UBAP2: variants seen among roughly 807,000 people sequenced by gnomAD.
The protein encoded by UBAP2 is ubiquitin associated protein 2.
In UBAP2, 75 loss-of-function variants were observed where a neutral mutation model predicts 139.6. The ratio of observed to expected loss-of-function variants is 0.54; its 90% CI spans 0.45 to 0.65. UBAP2 has a LOEUF of 0.65. UBAP2 is among the 30% of genes least tolerant of loss of function. The pLI, the probability that UBAP2 is intolerant of heterozygous loss-of-function variation, is 0.00. For synonymous variants in UBAP2, 526 were observed against 526.2 expected, an observed-to-expected ratio of 1.00 and a Z score of 0.01; for missense variants, 1,368 against 1,369.6, an observed-to-expected ratio of 1.00 and a Z score of 0.02.
intron 6 of UBAP2, among the ~76,000 whole-genome samples, chr9:33,984,174 G>A (rs1241018230): frequency 6.6e-6 from 1 of 151,076 alleles, no homozygotes; most frequent in African/African-American, 2.4e-5. Context: ...AAAGTGCTGG[G>A]ATTACAGGTA....
chr9:33,974,013 C>A (rs999672314), intron 6 of UBAP2, among the ~76,000 whole-genome samples: 5 of 152,098 alleles, frequency 3.3e-5, no homozygotes, highest in Admixed American at 3.3e-4. Context: ...CAAGACCAGC[C>A]TGGGCAACAT....
chr9:33,955,429 G>C (rs1324202648), intron 11 of UBAP2, among the ~76,000 whole-genome samples: 1 of 139,864 alleles, frequency 7.1e-6, no homozygotes, highest in South Asian at 2.4e-4. Flanking sequence ...TGAGGCAGAA[G>C]AATCACTTGA....
upstream of UBAP2, chr9:34,048,891 TCTTACA>T (rs1827874235): frequency 6.6e-6 from 1 of 151,888 alleles, no homozygotes; most frequent in South Asian, 2.1e-4. Flanking sequence ...CCAATGTGCC[TCTTACA>T]AAGCGGCGGC....
chr9:33,937,755 C>CAA (rs34776998), intron 16 of UBAP2, among the ~76,000 whole-genome samples: 1,743 of 103,568 alleles, frequency 0.017, 34 homozygotes, highest in African/African-American at 0.047. Flanking sequence ...TTAAAAAATA[C>CAA]AAAAAAAAAA....
At chr9:33,975,403 G>A (rs1417850649) in intron 6 of UBAP2, among the ~76,000 whole-genome samples, 8 of 150,496 alleles carry the variant, frequency 5.3e-5, no homozygotes, top group Admixed American at 1.3e-4. Flanking sequence ...CTGCACTCCA[G>A]CCTGGGTGAC....
intron 2 of UBAP2, chr9:34,011,751 G>C (rs1823764842): frequency 1.6e-6 from 1 of 612,406 alleles, no homozygotes; most frequent in African/African-American, 2.0e-5. Context: ...ATAAACATTA[G>C]TGACATACAC....
Position 33,923,980 on chromosome 9 carries a change from G to A in UBAP2, c.2611C>T (p.Arg871Cys), listed in dbSNP as rs775594520. 177 of 1,613,746 alleles carry A rather than the reference G, an allele frequency of 1.1e-4. No homozygotes were observed. The highest frequency in any genetic ancestry group is 1.4e-4 in the Non-Finnish European group (161 of 1,180,014). The change falls in exon 24 of 29, where the codon CGT becomes TGT. Residue 871 changes from arginine to cysteine, a missense_variant. Transcript: ENST00000379238. ...GGTGCAGGGGATGCAGAGTCCCCAC[G>A]GCCAAACTTTGTGACATCACCTAGG... ...PYPGDVTKFG[R>C]GDSASPAPAT...
At chr9:33,988,899 C>G in intron 5 of UBAP2, 74 bp downstream of exon 5, 2 of 1,517,962 alleles carry the variant, frequency 1.3e-6, no homozygotes, top group Non-Finnish European at 1.8e-6. Context: ...AATCCCAAAA[C>G]TTTGGGAGGC....
rs1305947934 is a variant in UBAP2 at position 33,939,678 on chromosome 9, C to A, written c.1929+1971G>T. On this transcript the variant is annotated intron_variant, in intron 16 of 28. Coordinates refer to ENST00000379238, the MANE Select transcript of UBAP2 (RefSeq NM_001370062.2). The stretch of plus-strand genomic sequence containing the variant: ...AGGTTGCAGGCAGTTGTGATCACAC[C>A]ACTGCACTTCAGTGGGTGACAGAGC... 5.0e-5 allele frequency among the ~76,000 whole-genome samples: 7 copies of A among 139,636 alleles called. No homozygotes were observed. In the East Asian group the frequency reaches 1.5e-3, roughly 29 times the overall value. 91.6% of individuals were successfully genotyped at this position (139,636 alleles called of 152,430 possible).
Position 33,975,432 on chromosome 9 carries a change from TA to T in UBAP2, c.521-2196del, listed in dbSNP as rs770473072. Among the ~76,000 whole-genome samples the T allele has an allele frequency of 5.1e-3, 605 of 118,182 alleles. 2 individuals carry two copies. The highest frequency in any genetic ancestry group is 8.2e-3 in the Non-Finnish European group (463 of 56,764). The allele number at this position is 118,182 out of a possible 152,430, so 77.5% of individuals were successfully genotyped here. ...GGGTGACAGAGTGAGGCTCTATCTT[TA>T]AAAAAAAAAAACAAAAAAAAAACCA... is the stretch of plus-strand genomic sequence containing the variant. On this transcript the variant is annotated intron_variant, in intron 6 of 28. Transcript: ENST00000379238.
chr9:33,975,331 CT>C (rs1474543232), intron 6 of UBAP2, among the ~76,000 whole-genome samples: 2 of 151,170 alleles, frequency 1.3e-5, no homozygotes, highest in Non-Finnish European at 2.9e-5. Context: ...ACCTGGGAGG[CT>C]GAGGCAGGAG....
intron 6 of UBAP2, among the ~76,000 whole-genome samples, chr9:33,981,675 T>C (rs987995959): frequency 1.3e-5 from 2 of 151,676 alleles, no homozygotes; most frequent in African/African-American, 4.8e-5. Flanking sequence ...TTTAAATACA[T>C]TGATATAGAA....
At chr9:34,028,585 G>A (rs1217452176) in intron 1 of UBAP2, among the ~76,000 whole-genome samples, 1 of 151,752 alleles carries the variant, frequency 6.6e-6, no homozygotes, top group African/African-American at 2.4e-5. Context: ...TCACCATGTT[G>A]GCCAGGCTGG....
At chr9:33,984,508 A>AT (rs35777214) in intron 6 of UBAP2, among the ~76,000 whole-genome samples, 15,391 of 149,316 alleles carry the variant, frequency 0.1, 911 homozygotes, top group African/African-American at 0.14. Context: ...TAAAAAAAAA[A>AT]TTTTTTTTTT....
intron 2 of UBAP2, among the ~76,000 whole-genome samples, chr9:34,008,742 G>A (rs186814136): frequency 6.6e-6 from 1 of 151,886 alleles, no homozygotes; most frequent in Non-Finnish European, 1.5e-5. Context: ...TGAGGCAGGC[G>A]GATCACAAGG....
intron 1 of UBAP2, among the ~76,000 whole-genome samples, chr9:34,039,130 GC>G (rs2035520791): frequency 6.6e-6 from 1 of 150,684 alleles, no homozygotes; most frequent in African/African-American, 2.4e-5. Context: ...CCGGCAGCCG[GC>G]CCGTCTGGGA....
chr9:33,933,173 C>T (rs1191172483), intron 18 of UBAP2, among the ~76,000 whole-genome samples: 1 of 152,124 alleles, frequency 6.6e-6, no homozygotes, highest in East Asian at 1.9e-4. Context: ...TGACATGGGC[C>T]CAGCGATGCC....
chr9:33,925,354 T>C (rs1823334667), intron 22 of UBAP2, among the ~76,000 whole-genome samples: 1 of 152,106 alleles, frequency 6.6e-6, no homozygotes, highest in Non-Finnish European at 1.5e-5. Context: ...GGGAGCACTT[T>C]CACAGAACAC....
At position 33,948,234 on chromosome 9, in the gene UBAP2, T is replaced by C. The variant is rs980252107; in HGVS notation, c.1270+140A>G. Reference sequence around the variant, plus strand: ...GTATTGTATAACAAAGGAAGACTGATTTAACTGAGAAACTGCAAGAGTTCT... The same window carrying C: ...GTATTGTATAACAAAGGAAGACTGACTTAACTGAGAAACTGCAAGAGTTCT... On this transcript the variant is annotated intron_variant, in intron 13 of 28. Coordinates refer to ENST00000379238, the MANE Select transcript of UBAP2 (RefSeq NM_001370062.2). 4.5e-6 allele frequency: 3 copies of C among 666,686 alleles called. No individual in the cohort carries two copies. In the African/African-American group the frequency reaches 5.4e-5, roughly 12 times the overall value. 41.3% of individuals were successfully genotyped at this position (666,686 alleles called of 1,614,324 possible). A position where few individuals can be genotyped will look rare whatever the true frequency, so the allele number is the denominator to read the frequency against.
Sources: allele counts gnomAD v4.1 joint callset (sites outside exome capture counted in the v4.1 genomes callset), GRCh38; gene constraint gnomAD v4.1.1; transcripts MANE v1.5; gene names NCBI Gene and HGNC (gene_info 2026-07-23, HGNC 2026-07-21).